NRXN3: variants seen among roughly 807,000 people sequenced by gnomAD.
The protein encoded by NRXN3 is neurexin 3.
A neutral mutation model predicts 137.6 loss-of-function variants in NRXN3; 32 were observed. The ratio of observed to expected loss-of-function variants is 0.23; its 90% CI spans 0.18 to 0.31. The LOEUF is 0.31. Ranked by LOEUF, NRXN3 falls within the 10% of genes least tolerant of loss-of-function variation. NRXN3 has a pLI of 1.00. For missense variants in NRXN3, 1,574 were observed against 2,062.5 expected (o/e 0.76, Z 4.59); for synonymous variants, 798 against 784.5 (o/e 1.02, Z -0.29).
At position 79,385,215 on chromosome 14, in the gene NRXN3, C is replaced by CG. The variant is rs1409494825; in HGVS notation, c.3263-82006_3263-82005insG. Among the ~76,000 whole-genome samples, 52 of 125,400 alleles carry CG rather than the reference C, an allele frequency of 4.1e-4. 2 individuals carry two copies. The highest frequency in any genetic ancestry group is 7.5e-4 in the Non-Finnish European group (43 of 57,436). 82.3% of individuals were successfully genotyped at this position (125,400 alleles called of 152,430 possible). A position where few individuals can be genotyped will look rare whatever the true frequency, so the allele number is the denominator to read the frequency against. ...CCCAATGCTATCCTTCCCCCCGCCC[C>CG]CACCCCACCACAGTCCCCAGAGTGT... On this transcript the variant is annotated intron_variant, in intron 15 of 20. Transcript: ENST00000335750.
intron 16 of NRXN3, among the ~76,000 whole-genome samples, chr14:79,490,695 G>A (rs181236684): frequency 9.9e-5 from 15 of 151,846 alleles, no homozygotes; most frequent in Admixed American, 2.6e-4. Flanking sequence ...TGGGGGAGGT[G>A]GGGGTGGTTA....
At chr14:79,607,351 T>C (rs1168406818) in intron 16 of NRXN3, among the ~76,000 whole-genome samples, 2 of 152,192 alleles carry the variant, frequency 1.3e-5, no homozygotes, top group East Asian at 3.9e-4. Flanking sequence ...TTCTAACACT[T>C]GGAAAAAATT....
intron 4 of NRXN3, among the ~76,000 whole-genome samples, chr14:78,459,839 G>T (rs982135279): frequency 3.9e-5 from 6 of 152,172 alleles, no homozygotes; most frequent in African/African-American, 1.4e-4. Flanking sequence ...ACACCAGCTG[G>T]GTGGCCTCTA....
rs557051295 is a variant in NRXN3, at chr14:78,736,343, A to G, written c.2044+21204A>G. Among the ~76,000 whole-genome samples the G allele has an allele frequency of 4.6e-5, 7 of 152,304 alleles. No homozygotes were observed. In the East Asian group the frequency reaches 1.4e-3, roughly 29 times the overall value. ...GAATTGGTTTGAAAGCCTAATAGCT[A>G]CATCATCGAAGTGAAATTATTTAAG... On this transcript the variant is annotated intron_variant, in intron 8 of 20. Coordinates refer to ENST00000335750, the MANE Select transcript of NRXN3 (RefSeq NM_001330195.2).
intron 15 of NRXN3, among the ~76,000 whole-genome samples, chr14:79,276,640 A>G (rs1001017990): frequency 2.0e-5 from 3 of 151,978 alleles, no homozygotes; most frequent in African/African-American, 7.3e-5. Flanking sequence ...AATTAATTGG[A>G]AGGTCCATCT....
At chr14:79,277,140 G>A (rs1566640203) in intron 15 of NRXN3, among the ~76,000 whole-genome samples, 2 of 152,154 alleles carry the variant, frequency 1.3e-5, no homozygotes, top group African/African-American at 4.8e-5. Context: ...TCTCTGAGGA[G>A]GTGACATTTG....
intron 15 of NRXN3, among the ~76,000 whole-genome samples, chr14:79,216,973 A>G (rs994688100): frequency 6.6e-6 from 1 of 152,012 alleles, no homozygotes; most frequent in Non-Finnish European, 1.5e-5. Context: ...TGTCTCTACT[A>G]AAAGTACAAA....
chr14:79,598,988 T>G (rs909873835), intron 16 of NRXN3, among the ~76,000 whole-genome samples: 3 of 152,228 alleles, frequency 2.0e-5, no homozygotes, highest in East Asian at 1.9e-4. Context: ...GCTGTCTGTC[T>G]TCTTCTACAT....
intron 8 of NRXN3, among the ~76,000 whole-genome samples, chr14:78,783,771 A>G (rs1270621845): frequency 6.6e-6 from 1 of 152,208 alleles, no homozygotes; most frequent in Non-Finnish European, 1.5e-5. Flanking sequence ...AAACTAAAGT[A>G]CACACAAAAA....
At chr14:79,610,671 C>T (rs1339611222) in intron 16 of NRXN3, among the ~76,000 whole-genome samples, 1 of 152,176 alleles carries the variant, frequency 6.6e-6, no homozygotes, top group African/African-American at 2.4e-5. Context: ...ATTTAAACTG[C>T]TTCTAAATAG....
At chr14:78,247,518 A>G (rs1461686785) in intron 2 of NRXN3, among the ~76,000 whole-genome samples, 1 of 152,200 alleles carries the variant, frequency 6.6e-6, no homozygotes, top group Non-Finnish European at 1.5e-5. Context: ...TCTGGGTGTT[A>G]TGTCTATAAA....
chr14:79,523,551 T>C (rs1481953129), intron 16 of NRXN3, among the ~76,000 whole-genome samples: 1 of 152,224 alleles, frequency 6.6e-6, no homozygotes, highest in Non-Finnish European at 1.5e-5. Context: ...TGGCACTCAC[T>C]GCTCAGGATC....
chr14:79,091,745 C>T (rs1272021164), intron 15 of NRXN3, among the ~76,000 whole-genome samples: 2 of 152,086 alleles, frequency 1.3e-5, no homozygotes, highest in Non-Finnish European at 2.9e-5. Context: ...AGGGCTTCTG[C>T]CCATACTTTT....
chr14:78,965,825 C>T (rs1412102214), intron 11 of NRXN3, among the ~76,000 whole-genome samples, 200 bp from the exon 12 acceptor site: 2 of 152,118 alleles, frequency 1.3e-5, no homozygotes, highest in South Asian at 2.1e-4. Context: ...TGAGCAGCTG[C>T]GTGACAGCAT....
At chr14:78,779,408 A>G (rs559607652) in intron 8 of NRXN3, among the ~76,000 whole-genome samples, 15 of 152,252 alleles carry the variant, frequency 9.9e-5, no homozygotes, top group African/African-American at 3.6e-4. Flanking sequence ...TACAGCAAAC[A>G]TATATTTACA....
rs570336085 is a variant in NRXN3 at position 78,596,108 on chromosome 14, A to G, written c.758-49012A>G. 1.7e-3 allele frequency among the ~76,000 whole-genome samples: 256 copies of G among 152,294 alleles called. 1 individual carries two copies. The highest frequency in any genetic ancestry group is 1.6e-3 in the Non-Finnish European group (109 of 68,026). ...AGATGTCAATAGTGCTGAGGTTGAG[A>G]AACCTTCGATTAAAGTCTTACAGTG... On this transcript the variant is annotated intron_variant, in intron 4 of 20. Transcript: ENST00000335750.
intron 4 of NRXN3, among the ~76,000 whole-genome samples, chr14:78,476,466 G>A (rs1332799263): frequency 6.6e-6 from 1 of 152,186 alleles, no homozygotes; most frequent in Admixed American, 6.5e-5. Flanking sequence ...GCAGATCTAG[G>A]AATAGAAAGG....
Position 78,968,233 on chromosome 14 carries a change from C to T in NRXN3, c.3029C>T (p.Ala1010Val), listed in dbSNP as rs1390423037. The T allele has an allele frequency of 3.7e-6, 6 of 1,614,066 alleles. 1 individual carries two copies. In the African/African-American group the frequency reaches 6.7e-5, roughly 18 times the overall value. The change falls in exon 14 of 21, where the codon GCC (alanine) becomes GTC (valine). Residue 1010 changes from alanine to valine, a missense_variant. Around this residue, in one of 5 missense-constraint regions of NRXN3, gnomAD observed 718 missense variants for 887.6 expected, o/e 0.81. Coordinates refer to ENST00000335750, the MANE Select transcript of NRXN3 (RefSeq NM_001330195.2). ...TACAGCAACCTCCCAAAGCTCGTGG[C>T]CTCTCGAGATGGCTTTCAGGGCTGT... ...GMYSNLPKLVASRDGFQGCLA... is the reference protein window; with the variant it reads ...GMYSNLPKLVVSRDGFQGCLA...
At chr14:79,664,213 AC>A (rs757143821) in intron 17 of NRXN3, among the ~76,000 whole-genome samples, 1 of 152,122 alleles carries the variant, frequency 6.6e-6, no homozygotes, top group Non-Finnish European at 1.5e-5. Flanking sequence ...AAAGACAATT[AC>A]GGTAGATTTT....
Sources: allele counts gnomAD v4.1 joint callset (sites outside exome capture counted in the v4.1 genomes callset), GRCh38; gene constraint gnomAD v4.1.1; regional missense constraint gnomAD v4.1.1; transcripts MANE v1.5; gene names NCBI Gene and HGNC (gene_info 2026-07-23, HGNC 2026-07-21).